CDH2: variants seen among roughly 807,000 people sequenced by gnomAD.
CDH2 encodes the protein cadherin-2.
A neutral mutation model predicts 92.0 loss-of-function variants in CDH2; 17 were observed. The ratio of observed to expected loss-of-function variants is 0.18; its 90% CI spans 0.13 to 0.28. The LOEUF is 0.28. Ranked by LOEUF, CDH2 falls within the 10% of genes least tolerant of loss-of-function variation. The pLI is 1.00. For missense variants in CDH2, 862 were observed against 1,133.1 expected (o/e 0.76, Z 3.44); for synonymous variants, 419 against 415.9 (o/e 1.01, Z -0.09).
intron 2 of CDH2, among the ~76,000 whole-genome samples, chr18:28,061,908 C>G (rs985426688): frequency 6.6e-6 from 1 of 152,140 alleles, no homozygotes; most frequent in Non-Finnish European, 1.5e-5. Flanking sequence ...TTACCTCCCA[C>G]CTGGTCCCTC....
chr18:28,093,801 T>G (rs1012947554), intron 2 of CDH2, among the ~76,000 whole-genome samples: 8 of 152,172 alleles, frequency 5.3e-5, no homozygotes, highest in Non-Finnish European at 8.8e-5. Context: ...ACAAAGAGAA[T>G]CATAACTAAA....
At chr18:28,011,717 T>C in intron 4 of CDH2, 129 bp downstream of exon 4, 3 of 845,316 alleles carry the variant, frequency 3.5e-6, no homozygotes, top group East Asian at 2.6e-5. Flanking sequence ...ACAGAAATTC[T>C]ATCTTTATAG....
At chr18:28,150,535 T>C (rs2016105515) in intron 1 of CDH2, among the ~76,000 whole-genome samples, 1 of 152,330 alleles carries the variant, frequency 6.6e-6, no homozygotes, top group South Asian at 2.1e-4. Flanking sequence ...TGTTTTGTTC[T>C]CTGCCTTATT....
In CDH2 at chr18:28,147,757, C is replaced by T. The variant is rs200711868; in HGVS notation, c.88G>A (p.Ala30Thr). ...QASVEASGEI[A>T]LCKTGFPEDV... ...TCAGGAAATCCAGTCTTGCATAATG[C>T]GATTTCACCAGAAGCCTCTACAGAC... is the stretch of plus-strand genomic sequence containing the variant. Residue 30 changes from alanine to threonine, a missense_variant, in exon 2 of 16, where the codon GCA (alanine) becomes ACA (threonine). By Grantham distance (58) the Ala-to-Thr change is moderately conservative (BLOSUM62 0). Transcript: ENST00000269141. The T allele has an allele frequency of 6.0e-5, 97 of 1,609,234 alleles. No homozygotes were observed. The highest frequency in any genetic ancestry group is 5.4e-5 in the African/African-American group (4 of 74,292).
In CDH2 at chr18:27,952,250, G is replaced by A; in HGVS notation, c.2624C>T (p.Ser875Phe). ...GTCCTGCTCACCACCACTACTTGAG[G>A]AATTAAGGGAGCTCAAGGACCCAGC... is the stretch of plus-strand genomic sequence containing the variant. ...STAGSLSSLN[S>F]SSSGGEQDYD... Residue 875 changes from serine to phenylalanine, a missense_variant, in exon 16 of 16, where the codon TCC becomes TTC. Around this residue, in one of 5 missense-constraint regions of CDH2, gnomAD observed 114 missense variants for 144.8 expected, o/e 0.79. Coordinates refer to ENST00000269141, the MANE Select transcript of CDH2 (RefSeq NM_001792.5). 6.2e-7 allele frequency: 1 copy of A among 1,613,550 alleles called. No homozygotes were observed. The highest frequency in any genetic ancestry group is 8.5e-7 in the Non-Finnish European group (1 of 1,179,668).
intron 2 of CDH2, among the ~76,000 whole-genome samples, chr18:28,018,163 C>CAAA (rs368206125): frequency 2.2e-4 from 21 of 97,190 alleles, no homozygotes; most frequent in African/African-American, 6.2e-4. Context: ...ACAATAGCTA[C>CAAA]AAAAAAAAAA....
chr18:28,067,146 T>C (rs567710552), intron 2 of CDH2, among the ~76,000 whole-genome samples: 1 of 152,300 alleles, frequency 6.6e-6, no homozygotes, highest in Non-Finnish European at 1.5e-5. Context: ...ATGAAATATA[T>C]ATTTTTGTGT....
chr18:28,162,561 T>C (rs972882848), intron 1 of CDH2, among the ~76,000 whole-genome samples: 1 of 152,122 alleles, frequency 6.6e-6, no homozygotes, highest in Non-Finnish European at 1.5e-5. Context: ...TCTGTTAGAT[T>C]TTCCCATTCT....
intron 2 of CDH2, among the ~76,000 whole-genome samples, chr18:28,087,302 C>T (rs1489908185): frequency 6.6e-6 from 1 of 152,106 alleles, no homozygotes; most frequent in Non-Finnish European, 1.5e-5. Flanking sequence ...CTCCCCACAC[C>T]ATGATGAGGG....
intron 2 of CDH2, among the ~76,000 whole-genome samples, chr18:28,113,984 A>G (rs1447630221): frequency 6.6e-6 from 1 of 152,158 alleles, no homozygotes; most frequent in South Asian, 2.1e-4. Context: ...TTTGGAATGA[A>G]ATCAGATTTC....
At chr18:28,001,137 AT>A (rs2012752956) in intron 7 of CDH2, among the ~76,000 whole-genome samples, 1 of 152,104 alleles carries the variant, frequency 6.6e-6, no homozygotes, top group Admixed American at 6.5e-5. Context: ...TTTCAAATCC[AT>A]TTCCACATTA....
intron 1 of CDH2, among the ~76,000 whole-genome samples, chr18:28,158,580 C>A (rs1598516725): frequency 6.6e-6 from 1 of 152,182 alleles, no homozygotes; most frequent in African/African-American, 2.4e-5. Context: ...TTTCCACTGC[C>A]CAGTCAGTGT....
Position 28,177,094 on chromosome 18 carries a change from G to T in CDH2, c.-72C>A. On this transcript the variant is annotated 5_prime_UTR_variant, in exon 1 of 16. Coordinates refer to ENST00000269141, the MANE Select transcript of CDH2 (RefSeq NM_001792.5). Reference sequence around the variant, plus strand: ...CGGCGGCGGCGGCGGAGGAGGAGGAGGCAGCGGCAGCACCAACAGCGGCGC... The same window carrying T: ...CGGCGGCGGCGGCGGAGGAGGAGGATGCAGCGGCAGCACCAACAGCGGCGC... The T allele has an allele frequency of 8.5e-7, 1 of 1,176,632 alleles. No individual in the cohort carries two copies. Among genetic ancestry groups the T allele is most frequent in the Non-Finnish European group, 1.2e-6 (1 of 849,162 alleles). The allele number at this position is 1,176,632 out of a possible 1,614,324, so 72.9% of individuals were successfully genotyped here.
chr18:28,015,338 A>G (rs1567964996), intron 2 of CDH2, among the ~76,000 whole-genome samples: 1 of 152,240 alleles, frequency 6.6e-6, no homozygotes, highest in Non-Finnish European at 1.5e-5. Flanking sequence ...TGAAAATAAA[A>G]GTATATCTCA....
chr18:28,062,748 C>T (rs1038674650), intron 2 of CDH2, among the ~76,000 whole-genome samples: 20 of 152,080 alleles, frequency 1.3e-4, no homozygotes, highest in African/African-American at 3.9e-4. Context: ...CCAAGGCGAG[C>T]GGATGACTTG....
At chr18:28,014,280 C>T (rs1195571696) in intron 2 of CDH2, among the ~76,000 whole-genome samples, 1 of 152,136 alleles carries the variant, frequency 6.6e-6, no homozygotes, top group Non-Finnish European at 1.5e-5. Context: ...CAAAGCAGAA[C>T]AAACCCCCTT....
chr18:28,168,079 A>C (rs1334963582), intron 1 of CDH2, among the ~76,000 whole-genome samples: 3 of 152,160 alleles, frequency 2.0e-5, no homozygotes, highest in African/African-American at 7.2e-5. Flanking sequence ...GGGGGATTAC[A>C]TCCCCTTTCA....
intron 2 of CDH2, among the ~76,000 whole-genome samples, chr18:28,038,617 C>T (rs778054816): frequency 6.6e-6 from 1 of 152,096 alleles, no homozygotes; most frequent in Admixed American, 6.6e-5. Flanking sequence ...CAAGTGAAAT[C>T]TCTCAGGTAG....
chr18:28,058,176 C>T (rs563607505), intron 2 of CDH2, among the ~76,000 whole-genome samples: 18 of 152,316 alleles, frequency 1.2e-4, no homozygotes, highest in African/African-American at 3.8e-4. Flanking sequence ...AATACAATAA[C>T]AGTAAAACCT....
Sources: gnomAD v4.1 joint callset for allele counts (sites outside exome capture counted in the v4.1 genomes callset) on GRCh38, gnomAD v4.1.1 for gene constraint, gnomAD v4.1.1 regional missense constraint, MANE v1.5 for transcripts, NCBI Gene and HGNC (gene_info 2026-07-23, HGNC 2026-07-21) for gene names.